LOC128092252: variants seen among roughly 807,000 people sequenced by gnomAD.
the LOC128092252 span, among the ~76,000 whole-genome samples, chr15:50,652,964 C>A: frequency 6.6e-6 from 1 of 152,154 alleles, no homozygotes; most frequent in Admixed American, 6.5e-5. Flanking sequence ...GAGTCAAGAC[C>A]AGCCTGACAA....
At chr15:50,650,409 G>A in the LOC128092252 span, among the ~76,000 whole-genome samples, 1 of 151,824 alleles carries the variant, frequency 6.6e-6, no homozygotes, top group East Asian at 1.9e-4. Flanking sequence ...ATTAGACCTA[G>A]ACAGACCAGG....
chr15:50,670,486 C>T, the LOC128092252 span, among the ~76,000 whole-genome samples: 1 of 152,140 alleles, frequency 6.6e-6, no homozygotes, highest in Non-Finnish European at 1.5e-5. Context: ...TTCCTCACTG[C>T]TCATTATATG....
chr15:50,658,512 G>A, the LOC128092252 span, among the ~76,000 whole-genome samples: 1 of 151,534 alleles, frequency 6.6e-6, no homozygotes, highest in Non-Finnish European at 1.5e-5. Context: ...CGAGGCTAAA[G>A]TGAGCCATGA....
the LOC128092252 span, among the ~76,000 whole-genome samples, chr15:50,683,003 C>A: frequency 2.0e-5 from 3 of 151,846 alleles, no homozygotes; most frequent in African/African-American, 4.8e-5. Context: ...CCACCTCAGC[C>A]TCCCAAGTAG....
At chr15:50,684,465 A>C in the LOC128092252 span, among the ~76,000 whole-genome samples, 1 of 151,546 alleles carries the variant, frequency 6.6e-6, no homozygotes, top group Non-Finnish European at 1.5e-5. Context: ...ATATGACGAA[A>C]CCCCATCTCC....
chr15:50,649,947 C>A, the LOC128092252 span, among the ~76,000 whole-genome samples: 1 of 152,006 alleles, frequency 6.6e-6, no homozygotes, highest in Non-Finnish European at 1.5e-5. Context: ...GTAATCCCAG[C>A]ACTTTGGGAG....
chr15:50,660,259 A>C, the LOC128092252 span, among the ~76,000 whole-genome samples: 4 of 152,204 alleles, frequency 2.6e-5, no homozygotes, highest in African/African-American at 9.6e-5. Flanking sequence ...CTAATCAAAA[A>C]CATTTACAGA....
chr15:50,672,876 G>C, the LOC128092252 span, among the ~76,000 whole-genome samples: 53 of 120,650 alleles, frequency 4.4e-4, no homozygotes, highest in African/African-American at 1.6e-3. Context: ...TCCAGCCAGG[G>C]TGACAGAGTG....
At chr15:50,673,913 C>T in the LOC128092252 span, among the ~76,000 whole-genome samples, 103 of 152,242 alleles carry the variant, frequency 6.8e-4, no homozygotes, top group Non-Finnish European at 1.3e-3. Context: ...ACCACATCCA[C>T]ATAAATGTCT....
At chr15:50,686,388 G>C in the LOC128092252 span, 1 of 1,395,238 alleles carries the variant, frequency 7.2e-7, no homozygotes. Context: ...CGTCCCGAGA[G>C]GACAAATCCG....
chr15:50,685,360 G>A, the LOC128092252 span, among the ~76,000 whole-genome samples: 6 of 152,348 alleles, frequency 3.9e-5, no homozygotes, highest in African/African-American at 1.4e-4. Flanking sequence ...GGGAGCCTGA[G>A]GCAGGAGAAT....
the LOC128092252 span, among the ~76,000 whole-genome samples, chr15:50,677,401 CA>C: frequency 2.6e-5 from 4 of 151,962 alleles, no homozygotes; most frequent in Non-Finnish European, 5.9e-5. Context: ...ACATTCAGTA[CA>C]TAACAACAAC....
At chr15:50,685,803 T>C in the LOC128092252 span, among the ~76,000 whole-genome samples, 1 of 152,134 alleles carries the variant, frequency 6.6e-6, no homozygotes, top group African/African-American at 2.4e-5. Context: ...TCCGCACCTT[T>C]CGGTTTAAAA....
chr15:50,683,244 A>C, the LOC128092252 span, among the ~76,000 whole-genome samples: 1 of 151,978 alleles, frequency 6.6e-6, no homozygotes, highest in Non-Finnish European at 1.5e-5. Flanking sequence ...AAAAAAAAAA[A>C]ACTGCAATTT....
chr15:50,662,956 G>T, the LOC128092252 span: 1 of 1,600,078 alleles, frequency 6.2e-7, no homozygotes, highest in Admixed American at 1.7e-5. Context: ...AAGTAACAAA[G>T]GTGTGCTTAC....
chr15:50,657,708 C>T, the LOC128092252 span: 1 of 1,345,962 alleles, frequency 7.4e-7, no homozygotes, highest in Non-Finnish European at 1.1e-6. Context: ...CCACTGTGTT[C>T]TAACTCATAT....
At chr15:50,680,890 T>C in the LOC128092252 span, among the ~76,000 whole-genome samples, 1 of 152,188 alleles carries the variant, frequency 6.6e-6, no homozygotes, top group East Asian at 1.9e-4. Context: ...TGATTTTTGA[T>C]TCTCTGCTCT....
At chr15:50,683,246 C>T in the LOC128092252 span, among the ~76,000 whole-genome samples, 1 of 148,836 alleles carries the variant, frequency 6.7e-6, no homozygotes, top group Non-Finnish European at 1.5e-5. Context: ...AAAAAAAAAA[C>T]TGCAATTTAC....
chr15:50,681,443 A>G, the LOC128092252 span, among the ~76,000 whole-genome samples: 1 of 152,172 alleles, frequency 6.6e-6, no homozygotes, highest in Admixed American at 6.6e-5. Flanking sequence ...CATTTCATAT[A>G]GTAAAGGCTA....
Sources: allele counts gnomAD v4.1 joint callset (sites outside exome capture counted in the v4.1 genomes callset), GRCh38; gene constraint gnomAD v4.1.1; transcripts MANE v1.5.